SNX19: variants seen among roughly 807,000 people sequenced by gnomAD.
SNX19 encodes the protein sorting nexin-19.
Under a neutral mutation model 85.2 loss-of-function variants are expected in SNX19, and 60 were observed. That is an observed-to-expected ratio of 0.70 (90% CI 0.57 to 0.87). The LOEUF (loss-of-function observed/expected upper bound fraction) is 0.87, where lower values mean the gene tolerates loss of function less well. Ranked by LOEUF, SNX19 falls within the 40% of genes least tolerant of loss-of-function variation. The pLI, the probability that SNX19 is intolerant of heterozygous loss-of-function variation, is 0.00. For synonymous variants in SNX19, 520 were observed against 470.0 expected, an observed-to-expected ratio of 1.11 and a Z score of -1.38; for missense variants, 1,201 against 1,217.8, an observed-to-expected ratio of 0.99 and a Z score of 0.21.
chr11:130,870,344 A>C lies in SNX19; in HGVS notation c.*8078T>G, dbSNP rs1442958185. 6.6e-6 allele frequency: 1 copy of C among 152,264 alleles called. No homozygotes were observed. 9.4% of individuals were successfully genotyped at this position (152,264 alleles called of 1,614,324 possible). On this transcript the variant is annotated 3_prime_UTR_variant, in exon 11 of 11. Coordinates refer to ENST00000265909, the MANE Select transcript of SNX19 (RefSeq NM_014758.3). ...TACTTCCCTTGGATGTGTGGCAACGAGCTCTGCTGCTGCAAGTGTTATATG... is the reference window on the plus strand; with the variant it reads ...TACTTCCCTTGGATGTGTGGCAACGCGCTCTGCTGCTGCAAGTGTTATATG...
chr11:130,867,541 G>T lies in SNX19; in HGVS notation c.*10881C>A, dbSNP rs1407804997. 2.6e-5 allele frequency: 4 copies of T among 152,180 alleles called. No homozygotes were observed. The highest frequency in any genetic ancestry group is 2.6e-4 in the Admixed American group (4 of 15,270). The allele number at this position is 152,180 out of a possible 1,614,324, so 9.4% of individuals were successfully genotyped here. A position where few individuals can be genotyped will look rare whatever the true frequency, so the allele number is the denominator to read the frequency against. ...TTTGGCAGGTTTAAAGAGGAAAAAT[G>T]AAGGATAGGAAGTTTTTATCCTAGA... On this transcript the variant is annotated 3_prime_UTR_variant, in exon 11 of 11. Transcript: ENST00000265909.
intron 8 of SNX19, among the ~76,000 whole-genome samples, chr11:130,884,382 G>A (rs763945832): frequency 9.2e-5 from 14 of 152,084 alleles, no homozygotes; most frequent in Non-Finnish European, 1.8e-4. Context: ...AGGTTAAAAA[G>A]AGATTCGTAA....
At chr11:130,883,851 T>C (rs760133759) in intron 8 of SNX19, among the ~76,000 whole-genome samples, 4 of 152,188 alleles carry the variant, frequency 2.6e-5, no homozygotes, top group Non-Finnish European at 4.4e-5. Context: ...GAAAACATGA[T>C]AAAGAGCAAA....
rs760885516 is a variant in SNX19, at chr11:130,910,130, C to A, written c.1922G>T (p.Cys641Phe). ...ACTGTTAGCGATCTCCGGAATGGCA[C>A]AGAGTTGCTGCAAAAGTAAAACACA... Reference protein sequence around the residue: ...SLLESFLKQLCAIPEIANSEE... With the variant: ...SLLESFLKQLFAIPEIANSEE... The change falls in exon 4 of 11, where the codon TGT (cysteine) becomes TTT (phenylalanine). Residue 641 changes from cysteine to phenylalanine, a missense_variant. Physicochemically the swap from Cys to Phe is radical, Grantham distance 205 (BLOSUM62 -2). Coordinates refer to ENST00000265909, the MANE Select transcript of SNX19 (RefSeq NM_014758.3). 24 of 1,614,174 alleles carry A rather than the reference C, an allele frequency of 1.5e-5. No homozygotes were observed. Among genetic ancestry groups the A allele is most frequent in the Admixed American group, 1.7e-5 (1 of 60,018 alleles).
intron 2 of SNX19, among the ~76,000 whole-genome samples, chr11:130,910,943 C>T (rs953949457): frequency 6.6e-6 from 1 of 151,904 alleles, no homozygotes; most frequent in African/African-American, 2.4e-5. Flanking sequence ...ATCTGTAATC[C>T]CAGCACTTTA....
At chr11:130,914,115 A>G (rs1946351510) in intron 1 of SNX19, 151 bp downstream of exon 1, 1 of 619,674 alleles carries the variant, frequency 1.6e-6, no homozygotes, top group Non-Finnish European at 2.7e-6. Flanking sequence ...TCTGCCTTAC[A>G]TATTAGCTTC....
At position 130,914,914 on chromosome 11, in the gene SNX19, C is replaced by A. The variant is rs1480582661; in HGVS notation, c.1026G>T (p.Gly342=). 1.9e-6 allele frequency: 3 copies of A among 1,614,088 alleles called. No homozygotes were observed. The Admixed American group carries it at 5.0e-5, about 27-fold the overall frequency. The change falls in exon 1 of 11, where the codon GGG becomes GGT. Residue 342 remains glycine, a synonymous_variant. Transcript: ENST00000265909. ...TTCCTACTTTTCTTTCTTCACACAT[C>A]CCACCCAAATCTCCCTCTACAGCTT... ...GHEAVEGDLG[G]MCEERKVGNN...
intron 8 of SNX19, among the ~76,000 whole-genome samples, chr11:130,888,001 G>A (rs1439613464): frequency 6.6e-6 from 1 of 151,780 alleles, no homozygotes; most frequent in Non-Finnish European, 1.5e-5. Context: ...TTCTCATACA[G>A]CCGAAGATTG....
rs748085110 is a variant in SNX19, at chr11:130,911,738, C to T, written c.1708G>A (p.Gly570Ser). The T allele has an allele frequency of 1.4e-5, 22 of 1,614,082 alleles. No homozygotes were observed. Among genetic ancestry groups the T allele is most frequent in the Admixed American group, 1.0e-4 (6 of 60,010 alleles). Residue 570 changes from glycine (G) to serine (S), a missense_variant, in exon 2 of 11, where the codon GGC becomes AGC. Coordinates refer to ENST00000265909, the MANE Select transcript of SNX19 (RefSeq NM_014758.3). ...GTGTGGTAGGCCAGCTGCTGCAGGC[C>T]GCTGCTGTTTTCACCGTCAAGGGCT... is the stretch of plus-strand genomic sequence containing the variant. ...ETALDGENSS[G>S]LQQLAYHTVN...
In SNX19 at chr11:130,907,984, T is replaced by TG; in HGVS notation, c.2133dup (p.Lys712GlnfsTer10). On this transcript the variant is annotated frameshift_variant, in exon 5 of 11. Transcript: ENST00000265909. LOFTEE classifies it high-confidence loss of function. ...GCCTTCTTGCCTTCTGTCTGGGGCT[T>TG]GCTTTCGGTCTCGGCCTCACTCAGC... 6.2e-7 allele frequency: 1 copy of TG among 1,614,160 alleles called. No individual in the cohort carries two copies. The highest frequency in any genetic ancestry group is 1.7e-5 in the Admixed American group (1 of 60,026).
At position 130,915,672 on chromosome 11, in the gene SNX19, G is replaced by C; in HGVS notation, c.268C>G (p.Pro90Ala). The change falls in exon 1 of 11, where the codon CCA becomes GCA. Residue 90 changes from proline to alanine, a missense_variant. Transcript: ENST00000265909. Reference sequence around the variant, plus strand: ...AGCTGCCTTTCTGCCTCAGGGCATGGAGGACAGGTGGCCAACGGGATGAAG... The same window carrying C: ...AGCTGCCTTTCTGCCTCAGGGCATGCAGGACAGGTGGCCAACGGGATGAAG... The part of the protein sequence containing the change: ...ERFIPLATCP[P>A]CPEAERQLER... 6.2e-7 allele frequency: 1 copy of C among 1,614,256 alleles called. No individual in the cohort carries two copies. The highest frequency in any genetic ancestry group is 8.5e-7 in the Non-Finnish European group (1 of 1,180,042).
intron 8 of SNX19, among the ~76,000 whole-genome samples, chr11:130,888,352 A>G (rs982040481): frequency 2.0e-5 from 3 of 152,220 alleles, no homozygotes; most frequent in Admixed American, 6.5e-5. Context: ...CTATTACTAG[A>G]AATTTCCCTC....
chr11:130,896,668 ATTTT>A (rs1944897913), intron 8 of SNX19, among the ~76,000 whole-genome samples: 1 of 152,086 alleles, frequency 6.6e-6, no homozygotes, highest in Non-Finnish European at 1.5e-5. Flanking sequence ...TGGGAACGTT[ATTTT>A]ATCTGAATGT....
chr11:130,912,483 A>G (rs1173753374), intron 1 of SNX19, among the ~76,000 whole-genome samples: 1 of 152,250 alleles, frequency 6.6e-6, no homozygotes, highest in Non-Finnish European at 1.5e-5. Context: ...TCTGCAACTC[A>G]GCATGGGGGC....
chr11:130,907,838 AT>A (rs1269261469), intron 5 of SNX19, 114 bp downstream of exon 5: 1 of 1,478,364 alleles, frequency 6.8e-7, no homozygotes, highest in African/African-American at 1.4e-5. Flanking sequence ...AAAAACTGGT[AT>A]GTCTGACCCA....
intron 8 of SNX19, among the ~76,000 whole-genome samples, chr11:130,884,194 A>G (rs1213044082): frequency 3.3e-5 from 5 of 152,154 alleles, no homozygotes; most frequent in African/African-American, 1.2e-4. Context: ...TTCATTATCT[A>G]ACTTTATTAA....
rs775005736 is a variant in SNX19, at chr11:130,915,313, G to T, written c.627C>A (p.Val209=). 1 of 1,614,198 alleles carries T rather than the reference G, an allele frequency of 6.2e-7. No homozygotes were observed. Among genetic ancestry groups the T allele is most frequent in the Non-Finnish European group, 8.5e-7 (1 of 1,180,028 alleles). ...AATTCACAACGCCACGCGTATAGGTGACTTCAGCACTGGGGCTGTGCACAG... is the reference window on the plus strand; with the variant it reads ...AATTCACAACGCCACGCGTATAGGTTACTTCAGCACTGGGGCTGTGCACAG... ...HPAVHSPSAE[V]TYTRGVVNLL... is the part of the protein sequence containing the mutation. Residue 209 remains valine (V), a synonymous_variant, in exon 1 of 11, where the codon GTC becomes GTA. Transcript: ENST00000265909.
chr11:130,913,988 C>G (rs1249400156), intron 1 of SNX19, among the ~76,000 whole-genome samples: 1 of 152,196 alleles, frequency 6.6e-6, no homozygotes, highest in Non-Finnish European at 1.5e-5. Context: ...ATCTGAAAGG[C>G]AGCTCAAGTG....
At position 130,915,628 on chromosome 11, in the gene SNX19, G is replaced by A. The variant is rs1946517538; in HGVS notation, c.312C>T (p.Arg104=). The change falls in exon 1 of 11, where the codon CGC becomes CGT. Residue 104 remains arginine, a synonymous_variant. Transcript: ENST00000265909. ...AERQLEREIN[R]TIQMIIRDFV... is the part of the protein sequence containing the mutation. Reference sequence around the variant, plus strand: ...AATCTCGAATAATCATCTGGATGGTGCGGTTGATCTCCCGTTCCAGCTGCC... The same window carrying A: ...AATCTCGAATAATCATCTGGATGGTACGGTTGATCTCCCGTTCCAGCTGCC... The A allele has an allele frequency of 6.2e-7, 1 of 1,614,138 alleles. No homozygotes were observed.
Sources: allele counts gnomAD v4.1 joint callset (sites outside exome capture counted in the v4.1 genomes callset), GRCh38; gene constraint gnomAD v4.1.1; transcripts MANE v1.5; gene names NCBI Gene and HGNC (gene_info 2026-07-23, HGNC 2026-07-21).